The following PROM2 variants were observed in gnomAD, a reference collection of about 807,000 sequenced individuals.
The protein encoded by PROM2 is prominin 2, also known as prominin-2.
A neutral mutation model predicts 110.2 loss-of-function variants in PROM2; 90 were observed. That is an observed-to-expected ratio of 0.82 (90% CI 0.69 to 0.97). The LOEUF (loss-of-function observed/expected upper bound fraction) is 0.97, where lower values mean the gene tolerates loss of function less well. PROM2 is among the 50% of genes least tolerant of loss of function. The probability of loss-of-function intolerance (pLI) is 0.00; values close to 1 mark genes in which losing one functional copy is unlikely to be tolerated. For synonymous variants in PROM2, 470 were observed against 467.8 expected (o/e 1.00, Z -0.06); for missense variants, 1,009 against 1,074.8 (o/e 0.94, Z 0.86).
chr2:95,278,568 C>G, intron 8 of PROM2, 153 bp from the exon 9 acceptor site: 1 of 828,364 alleles, frequency 1.2e-6, no homozygotes, highest in Non-Finnish European at 2.0e-6. Flanking sequence ...CAGACTGGGC[C>G]AGGGGATGGG....
In PROM2 at chr2:95,275,510, G is replaced by A; in HGVS notation, c.294G>A (p.Glu98=). Residue 98 remains glutamate, a splice_region_variant and synonymous_variant, in exon 2 of 24, where the codon GAG becomes GAA. Coordinates refer to ENST00000317620, the MANE Select transcript of PROM2 (RefSeq NM_001165978.3). This position sits in a 1 kb window ranked among gnomAD's most constrained non-coding sequence, Gnocchi z 4.4. Reference sequence around the variant, plus strand: ...AGCTGGCCTCCGTGAAGGTGAATGAGGTGAGCAAGCTGGGGAAAGGTGCTG... The same window carrying A: ...AGCTGGCCTCCGTGAAGGTGAATGAAGTGAGCAAGCTGGGGAAAGGTGCTG... ...LNELASVKVN[E]VVRYEAGYVV... is the part of the protein sequence containing the mutation. The A allele has an allele frequency of 6.2e-7, 1 of 1,613,914 alleles. No homozygotes were observed. Among genetic ancestry groups the A allele is most frequent in the East Asian group, 2.2e-5 (1 of 44,874 alleles).
Position 95,288,233 on chromosome 2 carries a change from G to A in PROM2, c.2267G>A (p.Cys756Tyr), listed in dbSNP as rs553877353. Reference sequence around the variant, plus strand: ...CAGGTGACTCAGCGCATTGCCACCTGCCAGCCCCTCTCCGGAGCCCTGGAC... The same window carrying A: ...CAGGTGACTCAGCGCATTGCCACCTACCAGCCCCTCTCCGGAGCCCTGGAC... ...REEVTQRIAT[C>Y]QPLSGALDNS... is the part of the protein sequence containing the mutation. Residue 756 changes from cysteine to tyrosine, a missense_variant, in exon 21 of 24, where the codon TGC becomes TAC. By Grantham distance (194) the Cys-to-Tyr change is radical. Coordinates refer to ENST00000317620, the MANE Select transcript of PROM2 (RefSeq NM_001165978.3). 1.2e-6 allele frequency: 2 copies of A among 1,613,890 alleles called. No individual in the cohort carries two copies. The highest frequency in any genetic ancestry group is 1.7e-6 in the Non-Finnish European group (2 of 1,180,024).
chr2:95,289,285 G>C lies in PROM2; in HGVS notation c.*72G>C. 2 of 491,282 alleles carry C rather than the reference G, an allele frequency of 4.1e-6. No homozygotes were observed. Among genetic ancestry groups the C allele is most frequent in the South Asian group, 4.3e-5 (2 of 46,162 alleles). 30.4% of individuals were successfully genotyped at this position (491,282 alleles called of 1,614,324 possible). ...GATTTAGCCTGGGCCACAGGACTTC[G>C]GTAGCTCTTGCCCCAGAGCCCAGGC... On this transcript the variant is annotated 3_prime_UTR_variant, in exon 24 of 24. Transcript: ENST00000317620.
chr2:95,282,106 C>G (rs1677084179), intron 13 of PROM2, 36 bp from the exon 14 acceptor site: 3 of 1,610,860 alleles, frequency 1.9e-6, no homozygotes, highest in Non-Finnish European at 2.5e-6. Flanking sequence ...CCGCCACCCC[C>G]AAGGCTCATC....
In PROM2 at chr2:95,279,846, T is replaced by C; in HGVS notation, c.1276T>C (p.Trp426Arg). Residue 426 changes from tryptophan to arginine, a missense_variant and splice_region_variant, in exon 11 of 24, where the codon TGG (tryptophan) becomes CGG (arginine). Transcript: ENST00000317620. ...ACACCCATGTCCTCTCTGTGGCAGG[T>C]GGATCGTGGGCTGCGTGCTGTGCTC... ...QEVQRYETYR[W>R]IVGCVLCSVV... is the part of the protein sequence containing the mutation. 2.1e-6 allele frequency: 3 copies of C among 1,444,346 alleles called. No individual in the cohort carries two copies. Among genetic ancestry groups the C allele is most frequent in the Admixed American group, 2.5e-5 (1 of 40,274 alleles). The allele number at this position is 1,444,346 out of a possible 1,614,324, so 89.5% of individuals were successfully genotyped here.
chr2:95,289,208 T>C lies in PROM2; in HGVS notation c.*11-16T>C. The stretch of plus-strand genomic sequence containing the variant: ...CCTCCCTCCCCTTCACCCGTTTCCT[T>C]CTTAATCCCTGACAGGGTGAGGTGA... On this transcript the variant is annotated splice_polypyrimidine_tract_variant and intron_variant, in intron 23 of 23. Coordinates refer to ENST00000317620, the MANE Select transcript of PROM2 (RefSeq NM_001165978.3). 1.7e-6 allele frequency: 1 copy of C among 591,256 alleles called. No homozygotes were observed. The allele number at this position is 591,256 out of a possible 1,614,324, so 36.6% of individuals were successfully genotyped here. A position where few individuals can be genotyped will look rare whatever the true frequency, so the allele number is the denominator to read the frequency against.
chr2:95,280,210 G>C (rs1236292663), intron 11 of PROM2, among the ~76,000 whole-genome samples: 3 of 152,152 alleles, frequency 2.0e-5, no homozygotes, highest in South Asian at 2.1e-4. Context: ...CCCTGAGTCA[G>C]ACACAGCCTA....
In PROM2 at chr2:95,290,544, T is replaced by C. The variant is rs1677633915; in HGVS notation, c.*1331T>C. ...CAGCCTGGCTGTGATGCTTGTTCGC[T>C]CAGCTTCTCCATTTATGAGATGGGG... On this transcript the variant is annotated 3_prime_UTR_variant, in exon 24 of 24. Coordinates refer to ENST00000317620, the MANE Select transcript of PROM2 (RefSeq NM_001165978.3). 6.6e-6 allele frequency: 1 copy of C among 152,168 alleles called. No homozygotes were observed. The highest frequency in any genetic ancestry group is 6.5e-5 in the Admixed American group (1 of 15,286). The allele number at this position is 152,168 out of a possible 1,614,324, so 9.4% of individuals were successfully genotyped here.
rs567945147 is a variant in PROM2, at chr2:95,289,906, C to T, written c.*693C>T. 1 of 152,270 alleles carries T rather than the reference C, an allele frequency of 6.6e-6. No homozygotes were observed. Among genetic ancestry groups the T allele is most frequent in the Non-Finnish European group, 1.5e-5 (1 of 68,090 alleles). 9.4% of individuals were successfully genotyped at this position (152,270 alleles called of 1,614,324 possible). ...CCACTGCCCCAGGGCCTTGGGCCCT[C>T]TGCAGATCTCATCCAGGATTTATTG... On this transcript the variant is annotated 3_prime_UTR_variant, in exon 24 of 24. Transcript: ENST00000317620.
Position 95,286,871 on chromosome 2 carries a change from G to A in PROM2, c.2094+14G>A. The A allele has an allele frequency of 6.2e-7, 1 of 1,613,462 alleles. No homozygotes were observed. The highest frequency in any genetic ancestry group is 1.6e-4 in the Middle Eastern group (1 of 6,062). ...CCGAATCTCCAGGTGGCTGCTGTTGGTGGGGACGTATGGTGGAGCACAGGG... is the reference window on the plus strand; with the variant it reads ...CCGAATCTCCAGGTGGCTGCTGTTGATGGGGACGTATGGTGGAGCACAGGG... On this transcript the variant is annotated intron_variant, in intron 18 of 23. Transcript: ENST00000317620.
rs1310786468 is a variant in PROM2, at chr2:95,289,669, T to TC, written c.*462dup. 8.3e-6 allele frequency: 1 copy of TC among 120,890 alleles called. No individual in the cohort carries two copies. Among genetic ancestry groups the TC allele is most frequent in the Non-Finnish European group, 1.7e-5 (1 of 58,838 alleles). 7.5% of individuals were successfully genotyped at this position (120,890 alleles called of 1,614,324 possible). On this transcript the variant is annotated 3_prime_UTR_variant, in exon 24 of 24. Transcript: ENST00000317620. ...CCCCCCACACCGTCCTCATCTGGCC[T>TC]CCCCCCTGGCCCCCACTTCCCTCTT...
intron 23 of PROM2, 24 bp from the exon 24 acceptor site, chr2:95,289,200 C>T (rs1221634929): frequency 1.5e-5 from 9 of 596,616 alleles, no homozygotes; most frequent in Admixed American, 2.9e-5. Context: ...CCCCTTCACC[C>T]GTTTCCTTCT....
intron 21 of PROM2, 42 bp downstream of exon 21, chr2:95,288,342 G>T: frequency 6.2e-7 from 1 of 1,608,492 alleles, no homozygotes; most frequent in South Asian, 1.1e-5. Context: ...CCAAGTCCCG[G>T]AGCCTTCCTG....
intron 11 of PROM2, among the ~76,000 whole-genome samples, chr2:95,280,989 T>C (rs1259525212): frequency 6.6e-6 from 1 of 152,180 alleles, no homozygotes; most frequent in Admixed American, 6.5e-5. Context: ...TGTTTTCTCC[T>C]CTAGGCTGCC....
In PROM2 at chr2:95,275,633, C is replaced by T; in HGVS notation, c.294+123C>T. ...GGTGTCCACTAGGCAGGGGCTCAGGCATCCTCTCCCCTCCTCTGTGGGCGC... is the reference window on the plus strand; with the variant it reads ...GGTGTCCACTAGGCAGGGGCTCAGGTATCCTCTCCCCTCCTCTGTGGGCGC... On this transcript the variant is annotated intron_variant, in intron 2 of 23. Coordinates refer to ENST00000317620, the MANE Select transcript of PROM2 (RefSeq NM_001165978.3). This position sits in a 1 kb window ranked among gnomAD's most constrained non-coding sequence, Gnocchi z 4.4. The T allele has an allele frequency of 2.9e-6, 4 of 1,375,244 alleles. No individual in the cohort carries two copies. The South Asian group carries it at 4.1e-5, about 14-fold the overall frequency. 85.2% of individuals were successfully genotyped at this position (1,375,244 alleles called of 1,614,324 possible).
At chr2:95,285,757 G>T in intron 16 of PROM2, 47 bp downstream of exon 16, 2 of 1,541,110 alleles carry the variant, frequency 1.3e-6, no homozygotes, top group Non-Finnish European at 8.8e-7. Flanking sequence ...GCCACAGGGG[G>T]CTTGGGAGGC....
chr2:95,279,406 C>G (rs934970538), intron 10 of PROM2, among the ~76,000 whole-genome samples: 1 of 151,738 alleles, frequency 6.6e-6, no homozygotes, highest in African/African-American at 2.4e-5. Context: ...AAGCGATTCT[C>G]TTGCCTCAGC....
intron 8 of PROM2, chr2:95,278,211 G>T (rs571880784): frequency 1.8e-5 from 11 of 598,144 alleles, no homozygotes; most frequent in African/African-American, 3.7e-5. Flanking sequence ...AAGGCGGCAG[G>T]CGTCTGGGGG....
Position 95,277,948 on chromosome 2 carries a change from G to T in PROM2, c.994G>T (p.Val332Phe), listed in dbSNP as rs1187498116. Reference sequence around the variant, plus strand: ...ATTTCAGGTGCCCTCTGTGGACCATGTCCTGCACCAGCTAAAAGGTGTCCC... The same window carrying T: ...ATTTCAGGTGCCCTCTGTGGACCATTTCCTGCACCAGCTAAAAGGTGTCCC... ...DFSQVPSVDH[V>F]LHQLKGVPEA... is the part of the protein sequence containing the mutation. The change falls in exon 8 of 24, where the codon GTC becomes TTC. Residue 332 changes from valine to phenylalanine, a missense_variant. Val to Phe is a conservative substitution (Grantham distance 50, BLOSUM62 -1). Transcript: ENST00000317620. 5 of 1,612,424 alleles carry T rather than the reference G, an allele frequency of 3.1e-6. No individual in the cohort carries two copies. The highest frequency in any genetic ancestry group is 4.2e-6 in the Non-Finnish European group (5 of 1,179,584).
Sources: allele counts gnomAD v4.1 joint callset (sites outside exome capture counted in the v4.1 genomes callset), GRCh38; gene constraint gnomAD v4.1.1; non-coding constraint Gnocchi (gnomAD v3.1); transcripts MANE v1.5; gene names NCBI Gene and HGNC (gene_info 2026-07-23, HGNC 2026-07-21).